MYO1B: variants seen among roughly 807,000 people sequenced by gnomAD.
The protein encoded by MYO1B is myosin IB, also known as unconventional myosin-Ib.
A neutral mutation model predicts 159.7 loss-of-function variants in MYO1B; 72 were observed. That is an observed-to-expected ratio of 0.45 (90% CI 0.37 to 0.55). MYO1B has a LOEUF of 0.55. MYO1B is among the 20% of genes least tolerant of loss of function. The pLI is 0.00. For missense variants in MYO1B, 1,062 were observed against 1,364.8 expected (o/e 0.78, Z 3.50); for synonymous variants, 468 against 473.8 (o/e 0.99, Z 0.16).
At chr2:191,354,235 G>T (rs941373155) in intron 7 of MYO1B, among the ~76,000 whole-genome samples, 1 of 150,154 alleles carries the variant, frequency 6.7e-6, no homozygotes, top group Non-Finnish European at 1.5e-5. Context: ...CAGCCTGGGT[G>T]ATAGAGCAAG....
intron 4 of MYO1B, among the ~76,000 whole-genome samples, chr2:191,340,450 G>C (rs1476794333): frequency 6.6e-6 from 1 of 152,142 alleles, no homozygotes; most frequent in Non-Finnish European, 1.5e-5. Context: ...CCGAGAGAGG[G>C]GACACGGACT....
rs115864023 is a variant in MYO1B at position 191,272,814 on chromosome 2, G to A, written c.-9-4073G>A. On this transcript the variant is annotated intron_variant, in intron 1 of 30. Coordinates refer to ENST00000392318, the MANE Select transcript of MYO1B (RefSeq NM_001130158.3). ...GTCCACTATTTCACTATTAAATAGCGAAGATGATCATCTTGTCAGTCCAAG... is the reference window on the plus strand; with the variant it reads ...GTCCACTATTTCACTATTAAATAGCAAAGATGATCATCTTGTCAGTCCAAG... Among the ~76,000 whole-genome samples the A allele has an allele frequency of 1.6e-3, 246 of 152,206 alleles. 1 individual carries two copies. Among genetic ancestry groups the A allele is most frequent in the African/African-American group, 5.5e-3 (228 of 41,524 alleles).
intron 11 of MYO1B, among the ~76,000 whole-genome samples, chr2:191,367,885 A>T (rs967063005): frequency 1.3e-5 from 2 of 152,222 alleles, no homozygotes; most frequent in Non-Finnish European, 2.9e-5. Context: ...TAAGCACTTA[A>T]ATTACCTATT....
intron 1 of MYO1B, among the ~76,000 whole-genome samples, chr2:191,262,786 AT>A (rs1490619143): frequency 2.6e-5 from 4 of 152,074 alleles, no homozygotes; most frequent in Admixed American, 2.0e-4. Context: ...TATGTTTTTT[AT>A]TCTTGCTTTA....
chr2:191,264,377 CTT>C (rs1351450203), intron 1 of MYO1B, among the ~76,000 whole-genome samples: 1 of 152,046 alleles, frequency 6.6e-6, no homozygotes, highest in Non-Finnish European at 1.5e-5. Flanking sequence ...TTCTAAAAAA[CTT>C]TTTTAAACCT....
At chr2:191,339,816 T>C (rs1692095199) in intron 4 of MYO1B, among the ~76,000 whole-genome samples, 1 of 152,234 alleles carries the variant, frequency 6.6e-6, no homozygotes, top group African/African-American at 2.4e-5. Flanking sequence ...TGGCTCCTAT[T>C]GGTTGATGCT....
intron 1 of MYO1B, among the ~76,000 whole-genome samples, chr2:191,249,066 G>A (rs117416648): frequency 1.3e-5 from 2 of 151,962 alleles, no homozygotes; most frequent in Non-Finnish European, 2.9e-5. Context: ...TTCTTTTTTC[G>A]AAACATTTAA....
chr2:191,364,337 A>G (rs567291454), intron 11 of MYO1B, 61 bp downstream of exon 11: 2 of 1,337,858 alleles, frequency 1.5e-6, no homozygotes, highest in South Asian at 1.2e-5. Flanking sequence ...TTTTCATATA[A>G]GTATAAACAA....
At chr2:191,253,179 ACTT>A (rs1026749454) in intron 1 of MYO1B, among the ~76,000 whole-genome samples, 5 of 152,212 alleles carry the variant, frequency 3.3e-5, no homozygotes, top group Non-Finnish European at 5.9e-5. Flanking sequence ...TTGCAGAAAG[ACTT>A]CTCCTGGCCT....
At chr2:191,404,054 C>G (rs1040821014) in intron 24 of MYO1B, among the ~76,000 whole-genome samples, 8 of 152,142 alleles carry the variant, frequency 5.3e-5, no homozygotes, top group African/African-American at 7.2e-5. Context: ...ACTATATAAC[C>G]AGTATTATTG....
intron 30 of MYO1B, among the ~76,000 whole-genome samples, chr2:191,417,752 A>G (rs891475369): frequency 6.6e-6 from 1 of 152,202 alleles, no homozygotes; most frequent in Non-Finnish European, 1.5e-5. Context: ...GAAATTTAAA[A>G]TCTTTCTTCA....
chr2:191,360,620 C>G lies in MYO1B; in HGVS notation c.563-11C>G. 2 of 1,565,846 alleles carry G rather than the reference C, an allele frequency of 1.3e-6. No individual in the cohort carries two copies. The highest frequency in any genetic ancestry group is 1.8e-6 in the Non-Finnish European group (2 of 1,140,304). On this transcript the variant is annotated splice_polypyrimidine_tract_variant and intron_variant, in intron 7 of 30. Transcript: ENST00000392318. ...ACAAATGCCATACTATGATTTAACT[C>G]TTCTCTTTAGATCTTTTAGAGAAAT... is the stretch of plus-strand genomic sequence containing the variant.
At position 191,381,553 on chromosome 2, in the gene MYO1B, A is replaced by AG. The variant is rs1304127549; in HGVS notation, c.1278dup (p.Tyr427ValfsTer12). The AG allele has an allele frequency of 6.2e-7, 1 of 1,610,434 alleles. No individual in the cohort carries two copies. Among genetic ancestry groups the AG allele is most frequent in the East Asian group, 2.2e-5 (1 of 44,868 alleles). ...CTTACTCTTAAAGAAGAGCAGGAGG[A>AG]GTATATACGGGAGGTAATGTTGAAA... On this transcript the variant is annotated frameshift_variant, in exon 14 of 31. Transcript: ENST00000392318. LOFTEE classifies it high-confidence loss of function.
intron 25 of MYO1B, 126 bp from the exon 26 acceptor site, chr2:191,408,918 A>T (rs908143115): frequency 3.0e-6 from 3 of 1,012,840 alleles, no homozygotes; most frequent in Non-Finnish European, 4.2e-6. Flanking sequence ...GATGAGTTAC[A>T]GTTCTATAAA....
chr2:191,325,426 T>G (rs960992922), intron 3 of MYO1B, among the ~76,000 whole-genome samples: 2 of 152,044 alleles, frequency 1.3e-5, no homozygotes, highest in Non-Finnish European at 1.5e-5. Context: ...TAAGTTCAGG[T>G]AAGTTTCCTG....
chr2:191,289,809 A>G (rs1688592232), intron 2 of MYO1B, among the ~76,000 whole-genome samples: 1 of 152,186 alleles, frequency 6.6e-6, no homozygotes, highest in South Asian at 2.1e-4. Context: ...GGGCTTCTAA[A>G]GATCTCTATC....
At chr2:191,339,250 C>T (rs1692056564) in intron 4 of MYO1B, among the ~76,000 whole-genome samples, 1 of 152,128 alleles carries the variant, frequency 6.6e-6, no homozygotes, top group South Asian at 2.1e-4. Context: ...TAGAAAGTAT[C>T]CTGAAGTGAG....
chr2:191,334,151 A>G (rs958179265), intron 4 of MYO1B, among the ~76,000 whole-genome samples: 2 of 151,462 alleles, frequency 1.3e-5, no homozygotes, highest in African/African-American at 4.9e-5. Flanking sequence ...AATTGTATCA[A>G]TTCGTTCCTA....
intron 7 of MYO1B, among the ~76,000 whole-genome samples, chr2:191,355,300 G>A (rs1693201393): frequency 2.0e-5 from 3 of 152,194 alleles, no homozygotes; most frequent in Non-Finnish European, 1.5e-5. Context: ...ATATCCAGCT[G>A]GCGCCCACAA....
Sources: allele counts gnomAD v4.1 joint callset (sites outside exome capture counted in the v4.1 genomes callset), GRCh38; gene constraint gnomAD v4.1.1; transcripts MANE v1.5; gene names NCBI Gene and HGNC (gene_info 2026-07-23, HGNC 2026-07-21).